The following STK32C variants were observed in gnomAD, a reference collection of about 807,000 sequenced individuals.
STK32C encodes the protein serine/threonine-protein kinase 32C.
In STK32C, 31 loss-of-function variants were observed where a neutral mutation model predicts 56.5. The observed-to-expected ratio is 0.55, with a 90% confidence interval of 0.41 to 0.74. The LOEUF is 0.74. Among genes scored for constraint, STK32C ranks in the 30% least tolerant of loss-of-function variants. The pLI is 0.00. For missense variants in STK32C, 544 were observed against 676.9 expected, an observed-to-expected ratio of 0.80 and a Z score of 2.18; for synonymous variants, 309 against 289.4, an observed-to-expected ratio of 1.07 and a Z score of -0.69.
chr10:132,326,577 C>T (rs1186298475), intron 1 of STK32C, among the ~76,000 whole-genome samples: 2 of 152,242 alleles, frequency 1.3e-5, no homozygotes, highest in Non-Finnish European at 2.9e-5. Context: ...CCTGCCTTGG[C>T]GTCCCCAAGT....
rs1216400636 is a variant in STK32C, at chr10:132,226,110, G to A, written c.645-326C>T. ...CTCCCCCTCCAAGACTCGGCCTCTA[G>A]GAGACCAAGCCACCTCGGCTCTTGC... is the stretch of plus-strand genomic sequence containing the variant. On this transcript the variant is annotated intron_variant, in intron 4 of 11. Transcript: ENST00000298630. 3.3e-5 allele frequency among the ~76,000 whole-genome samples: 5 copies of A among 152,350 alleles called. No homozygotes were observed. In the East Asian group the frequency reaches 9.6e-4, roughly 29 times the overall value.
chr10:132,315,726 C>T (rs1044942847), intron 1 of STK32C, among the ~76,000 whole-genome samples: 6 of 152,116 alleles, frequency 3.9e-5, no homozygotes, highest in African/African-American at 1.2e-4. Flanking sequence ...TTGACCTGAT[C>T]GACATCTATA....
At chr10:132,233,314 A>C (rs1590203809) in intron 2 of STK32C, among the ~76,000 whole-genome samples, 1 of 151,386 alleles carries the variant, frequency 6.6e-6, no homozygotes, top group South Asian at 2.1e-4. Context: ...TCCATCTCTC[A>C]CTCTCCTCCT....
At chr10:132,301,980 C>T (rs1010180910) in intron 1 of STK32C, among the ~76,000 whole-genome samples, 7 of 152,208 alleles carry the variant, frequency 4.6e-5, no homozygotes, top group African/African-American at 9.6e-5. Context: ...GGGCCAGCAG[C>T]GCTGGCACCG....
At chr10:132,254,178 G>A (rs1219554845) in intron 1 of STK32C, among the ~76,000 whole-genome samples, 10 of 152,112 alleles carry the variant, frequency 6.6e-5, no homozygotes, top group South Asian at 4.1e-4. Context: ...GCATAGTGGC[G>A]GGCGCCTGTA....
intron 1 of STK32C, among the ~76,000 whole-genome samples, chr10:132,279,735 G>C (rs77641490): frequency 7.7e-4 from 51 of 66,002 alleles, no homozygotes; most frequent in African/African-American, 2.6e-3. Context: ...TCACACCACT[G>C]CACTCCGTGA....
chr10:132,327,641 A>G (rs2066526705), intron 1 of STK32C, among the ~76,000 whole-genome samples: 1 of 151,774 alleles, frequency 6.6e-6, no homozygotes, highest in Admixed American at 6.6e-5. Context: ...ACGCCTGGAT[A>G]ATTTTTGTAT....
At chr10:132,241,293 C>T (rs1190891956) in intron 2 of STK32C, among the ~76,000 whole-genome samples, 3 of 152,228 alleles carry the variant, frequency 2.0e-5, no homozygotes, top group East Asian at 1.9e-4. Context: ...TTGACAGCTG[C>T]GGGAAGGCAG....
intron 1 of STK32C, among the ~76,000 whole-genome samples, chr10:132,288,035 A>G (rs2065459175): frequency 6.6e-6 from 1 of 152,196 alleles, no homozygotes; most frequent in African/African-American, 2.4e-5. Context: ...ATGTTCAGGA[A>G]TAAACCCACA....
intron 10 of STK32C, among the ~76,000 whole-genome samples, chr10:132,216,462 T>G (rs1311530765): frequency 9.1e-6 from 1 of 109,886 alleles, no homozygotes; most frequent in Non-Finnish European, 2.2e-5. Flanking sequence ...AGAGCAAGAC[T>G]GTCTCAAAAA....
In STK32C at chr10:132,228,078, G is replaced by A; in HGVS notation, c.369C>T (p.Tyr123=). Residue 123 remains tyrosine, a synonymous_variant, in exon 3 of 12, where the codon TAC becomes TAT. Transcript: ENST00000298630. ...GCTCGATGCACTGCTGCTTGTTCAT[G>A]TACTTCATGGCGTACATCTTCTCCG... ...RDTEKMYAMK[Y]MNKQQCIERD... 6.2e-7 allele frequency: 1 copy of A among 1,614,052 alleles called. No individual in the cohort carries two copies. Among genetic ancestry groups the A allele is most frequent in the Non-Finnish European group, 8.5e-7 (1 of 1,180,028 alleles).
intron 1 of STK32C, among the ~76,000 whole-genome samples, chr10:132,268,517 G>GTA (rs2064682957): frequency 8.1e-6 from 1 of 123,098 alleles, no homozygotes; most frequent in African/African-American, 3.2e-5. Flanking sequence ...AGGTGCAGCT[G>GTA]TGCCTGTGTG....
At chr10:132,266,242 C>T (rs1046004531) in intron 1 of STK32C, among the ~76,000 whole-genome samples, 5 of 152,170 alleles carry the variant, frequency 3.3e-5, no homozygotes, top group Admixed American at 6.5e-5. Flanking sequence ...AAGAGCGCGT[C>T]GTGCGATTCT....
chr10:132,331,980 G>A (rs1288947147), upstream of STK32C: 29 of 433,478 alleles, frequency 6.7e-5, no homozygotes, highest in East Asian at 1.2e-3. Flanking sequence ...CCCCCTCCCG[G>A]GCAGGCGCAC....
chr10:132,220,705 T>G (rs2062610448), intron 10 of STK32C, among the ~76,000 whole-genome samples: 1 of 152,220 alleles, frequency 6.6e-6, no homozygotes. Flanking sequence ...CCACAGCACC[T>G]GTCAAATCCC....
At chr10:132,314,599 A>G (rs1373140201) in intron 1 of STK32C, among the ~76,000 whole-genome samples, 1 of 152,238 alleles carries the variant, frequency 6.6e-6, no homozygotes, top group Non-Finnish European at 1.5e-5. Flanking sequence ...GTATATGCTG[A>G]TTCTAAAAGC....
intron 1 of STK32C, among the ~76,000 whole-genome samples, chr10:132,315,538 C>T (rs977594441): frequency 9.9e-5 from 15 of 152,116 alleles, no homozygotes; most frequent in African/African-American, 2.9e-4. Flanking sequence ...AATATGTATG[C>T]GCCTAATAAG....
At chr10:132,261,000 T>C (rs991203391) in intron 1 of STK32C, among the ~76,000 whole-genome samples, 1 of 152,146 alleles carries the variant, frequency 6.6e-6, no homozygotes, top group Non-Finnish European at 1.5e-5. Flanking sequence ...CCCCTGGGGC[T>C]GGGGGAAGCT....
At chr10:132,258,827 G>C (rs1252879450) in intron 1 of STK32C, among the ~76,000 whole-genome samples, 1 of 152,242 alleles carries the variant, frequency 6.6e-6, no homozygotes, top group Non-Finnish European at 1.5e-5. Context: ...ACAGTGCCGA[G>C]GAGGGGCTGC....
Sources: gnomAD v4.1 joint callset for allele counts (sites outside exome capture counted in the v4.1 genomes callset) on GRCh38, gnomAD v4.1.1 for gene constraint, MANE v1.5 for transcripts, NCBI Gene and HGNC (gene_info 2026-07-23, HGNC 2026-07-21) for gene names.